Variants in VPS26A observed in about 807,000 individuals in gnomAD.
The protein encoded by VPS26A is vacuolar protein sorting-associated protein 26A.
A neutral mutation model predicts 42.4 loss-of-function variants in VPS26A; 22 were observed. The observed-to-expected ratio is 0.52, with a 90% confidence interval of 0.37 to 0.74. VPS26A has a LOEUF of 0.74. Among genes scored for constraint, VPS26A ranks in the 30% least tolerant of loss-of-function variants. The probability of loss-of-function intolerance (pLI) is 0.00; values close to 1 mark genes in which losing one functional copy is unlikely to be tolerated. For synonymous variants in VPS26A, 110 were observed against 123.5 expected, an observed-to-expected ratio of 0.89 and a Z score of 0.73; for missense variants, 276 against 379.2, an observed-to-expected ratio of 0.73 and a Z score of 2.26.
intron 2 of VPS26A, among the ~76,000 whole-genome samples, chr10:69,150,170 C>T (rs1256947610): frequency 6.6e-6 from 1 of 151,950 alleles, no homozygotes; most frequent in Non-Finnish European, 1.5e-5. Flanking sequence ...ACTCCCACCT[C>T]AGCCTCCCAA....
At chr10:69,151,270 A>AAAAAAC (rs1554854482) in intron 2 of VPS26A, among the ~76,000 whole-genome samples, 1 of 64,368 alleles carries the variant, frequency 1.6e-5, no homozygotes, top group Non-Finnish European at 4.3e-5. Context: ...ATGTCAAAAA[A>AAAAAAC]AAAAAAAAAA....
chr10:69,170,764 G>A (rs1218849158), intron 8 of VPS26A, among the ~76,000 whole-genome samples: 3 of 152,214 alleles, frequency 2.0e-5, no homozygotes, highest in Non-Finnish European at 2.9e-5. Context: ...GGATTAACCT[G>A]CTAGTGATAA....
intron 1 of VPS26A, among the ~76,000 whole-genome samples, chr10:69,126,181 C>T (rs1344861832): frequency 1.3e-5 from 2 of 152,142 alleles, no homozygotes; most frequent in African/African-American, 4.8e-5. Context: ...AAAGATCTCA[C>T]GGGGTGCGGT....
intron 2 of VPS26A, among the ~76,000 whole-genome samples, chr10:69,142,974 T>C (rs1003791423): frequency 6.6e-6 from 1 of 152,148 alleles, no homozygotes; most frequent in Non-Finnish European, 1.5e-5. Context: ...TTCTAGAATA[T>C]AAGAAAAGCC....
chr10:69,132,087 C>G (rs1840791940), intron 1 of VPS26A, among the ~76,000 whole-genome samples: 1 of 152,116 alleles, frequency 6.6e-6, no homozygotes, highest in East Asian at 1.9e-4. Flanking sequence ...ATATCCTGTT[C>G]AGACCAAATA....
intron 2 of VPS26A, among the ~76,000 whole-genome samples, chr10:69,136,525 C>T (rs1840915612): frequency 6.6e-6 from 1 of 152,098 alleles, no homozygotes; most frequent in African/African-American, 2.4e-5. Flanking sequence ...CCAGCTCAGC[C>T]TCCCAAAGTG....
rs34855332 is a variant in VPS26A at position 69,128,230 on chromosome 10, A to ATTTTT, written c.3+3965_3+3969dup. On this transcript the variant is annotated intron_variant, in intron 1 of 8. Coordinates refer to ENST00000263559, the MANE Select transcript of VPS26A (RefSeq NM_004896.5). ...AAATTTTATTTAACTTTGGGATTTG[A>ATTTTT]TTTTTTTTTTTTTTTTTTTGAGGCA... Among the ~76,000 whole-genome samples, 7 of 122,038 alleles carry ATTTTT rather than the reference A, an allele frequency of 5.7e-5. 1 individual carries two copies. Among genetic ancestry groups the ATTTTT allele is most frequent in the African/African-American group, 2.1e-4 (7 of 33,734 alleles). 80.1% of individuals were successfully genotyped at this position (122,038 alleles called of 152,430 possible).
chr10:69,128,520 G>A (rs1840709147), intron 1 of VPS26A, among the ~76,000 whole-genome samples: 2 of 151,974 alleles, frequency 1.3e-5, no homozygotes, highest in Non-Finnish European at 2.9e-5. Flanking sequence ...GTGAGCCACC[G>A]CGCCTGGCGA....
At chr10:69,158,009 A>G in intron 4 of VPS26A, 38 bp from the exon 5 acceptor site, 1 of 1,517,518 alleles carries the variant, frequency 6.6e-7, no homozygotes, top group Non-Finnish European at 8.8e-7. Flanking sequence ...AATTTATCAC[A>G]GGTGATTTAA....
chr10:69,156,548 T>G (rs1841433055), intron 3 of VPS26A, among the ~76,000 whole-genome samples: 1 of 152,182 alleles, frequency 6.6e-6, no homozygotes, highest in Non-Finnish European at 1.5e-5. Flanking sequence ...GATATTTATA[T>G]ATCTGTTCTG....
intron 2 of VPS26A, among the ~76,000 whole-genome samples, chr10:69,144,338 C>G (rs919617641): frequency 2.0e-5 from 3 of 152,162 alleles, no homozygotes; most frequent in Non-Finnish European, 2.9e-5. Context: ...TGCATAATGT[C>G]ATGTATCCAT....
chr10:69,125,286 C>G (rs142931395), intron 1 of VPS26A, among the ~76,000 whole-genome samples: 226 of 151,872 alleles, frequency 1.5e-3, no homozygotes, highest in Admixed American at 3.5e-3. Context: ...CAAAACAAAA[C>G]AAAACAAAAT....
intron 3 of VPS26A, among the ~76,000 whole-genome samples, chr10:69,156,364 T>C (rs1456147409): frequency 6.6e-6 from 1 of 152,100 alleles, no homozygotes; most frequent in Non-Finnish European, 1.5e-5. Context: ...CCATACATGA[T>C]TCCAGATGAA....
chr10:69,154,186 A>G (rs142299653), intron 2 of VPS26A, among the ~76,000 whole-genome samples: 9 of 152,350 alleles, frequency 5.9e-5, no homozygotes, highest in Admixed American at 1.3e-4. Context: ...GAAACAACCT[A>G]TATGACCATA....
chr10:69,161,750 C>T (rs1841567332), intron 5 of VPS26A: 1 of 365,582 alleles, frequency 2.7e-6, no homozygotes, highest in Admixed American at 2.7e-5. Flanking sequence ...CAATTAGATG[C>T]AAGCACACAA....
chr10:69,153,763 G>C (rs12258442), intron 2 of VPS26A, among the ~76,000 whole-genome samples: 6,339 of 152,142 alleles, frequency 0.042, 466 homozygotes, highest in African/African-American at 0.14. Context: ...TTGAGGCCAG[G>C]TGTTCGAGAC....
chr10:69,142,574 A>G (rs1451117128), intron 2 of VPS26A, among the ~76,000 whole-genome samples: 1 of 152,130 alleles, frequency 6.6e-6, no homozygotes, highest in East Asian at 1.9e-4. Flanking sequence ...TAGATTTGTA[A>G]TAACCTCAGA....
At chr10:69,170,642 G>T (rs1026217488) in intron 8 of VPS26A, among the ~76,000 whole-genome samples, 1 of 152,146 alleles carries the variant, frequency 6.6e-6, no homozygotes, top group African/African-American at 2.4e-5. Flanking sequence ...GGAGGGAAGA[G>T]AATAATGTTG....
At position 69,158,186 on chromosome 10, in the gene VPS26A, A is replaced by G; in HGVS notation, c.526A>G (p.Ile176Val). The G allele has an allele frequency of 4.4e-6, 7 of 1,601,020 alleles. No individual in the cohort carries two copies. The highest frequency in any genetic ancestry group is 6.0e-6 in the Non-Finnish European group (7 of 1,175,936). ...MEVGIEDCLH[I>V]EFEYNKSKYH... ...AGTGGGCATTGAAGATTGTCTACAT[A>G]TAGAATTTGAATATAATAAATCAAA... Residue 176 changes from isoleucine (I) to valine (V), a missense_variant, in exon 5 of 9, where the codon ATA (isoleucine) becomes GTA (valine). Transcript: ENST00000263559.
Sources: gnomAD v4.1 joint callset for allele counts (sites outside exome capture counted in the v4.1 genomes callset) on GRCh38, gnomAD v4.1.1 for gene constraint, MANE v1.5 for transcripts, NCBI Gene and HGNC (gene_info 2026-07-23, HGNC 2026-07-21) for gene names.